Variants in CNTNAP2 observed in about 807,000 individuals in gnomAD.
CNTNAP2 encodes the protein contactin-associated protein-like 2.
In CNTNAP2, 98 loss-of-function variants were observed where a neutral mutation model predicts 155.2. The observed-to-expected ratio is 0.63, with a 90% confidence interval of 0.54 to 0.75. The LOEUF (loss-of-function observed/expected upper bound fraction) is 0.75. CNTNAP2 is among the 30% of genes least tolerant of loss of function. The pLI, the probability that CNTNAP2 is intolerant of heterozygous loss-of-function variation, is 0.00. For synonymous variants in CNTNAP2, 651 were observed against 631.2 expected (o/e 1.03, Z -0.47); for missense variants, 1,727 against 1,688.1 (o/e 1.02, Z -0.40).
At chr7:147,004,685 A>G (rs1467410657) in intron 3 of CNTNAP2, among the ~76,000 whole-genome samples, 1 of 152,052 alleles carries the variant, frequency 6.6e-6, no homozygotes, top group Non-Finnish European at 1.5e-5. Flanking sequence ...TGATAAGAGA[A>G]TATTTACACT....
chr7:148,003,844 C>G (rs1801934134), intron 15 of CNTNAP2, among the ~76,000 whole-genome samples: 1 of 152,188 alleles, frequency 6.6e-6, no homozygotes, highest in Non-Finnish European at 1.5e-5. Context: ...GCAGCAGAAG[C>G]TACTTCTTAT....
chr7:147,838,770 T>G (rs1798672296), intron 13 of CNTNAP2, among the ~76,000 whole-genome samples: 1 of 152,178 alleles, frequency 6.6e-6, no homozygotes, highest in Admixed American at 6.5e-5. Flanking sequence ...TTTCCCACAT[T>G]TTCCTGTCTT....
At chr7:147,906,660 A>G (rs533590917) in intron 14 of CNTNAP2, among the ~76,000 whole-genome samples, 5 of 152,020 alleles carry the variant, frequency 3.3e-5, no homozygotes, top group Non-Finnish European at 7.4e-5. Context: ...TGATTTCACC[A>G]TGTTGGCCAG....
intron 13 of CNTNAP2, among the ~76,000 whole-genome samples, chr7:147,676,189 G>A (rs1392339744): frequency 1.3e-5 from 2 of 151,814 alleles, no homozygotes; most frequent in African/African-American, 4.8e-5. Flanking sequence ...ATAGACATAC[G>A]ATGACTAATT....
chr7:146,877,188 A>T (rs997469583), intron 3 of CNTNAP2, among the ~76,000 whole-genome samples: 5 of 152,208 alleles, frequency 3.3e-5, no homozygotes, highest in South Asian at 4.1e-4. Flanking sequence ...GGTAAAACAT[A>T]ATTTTTTCGA....
chr7:147,769,350 A>G (rs565044006), intron 13 of CNTNAP2, among the ~76,000 whole-genome samples: 2 of 152,128 alleles, frequency 1.3e-5, no homozygotes, highest in Non-Finnish European at 2.9e-5. Context: ...ATTATCTGGC[A>G]CTTAAACACC....
intron 10 of CNTNAP2, among the ~76,000 whole-genome samples, chr7:147,410,837 T>C (rs1797090993): frequency 6.6e-6 from 1 of 151,506 alleles, no homozygotes; most frequent in Admixed American, 6.6e-5. Flanking sequence ...CTCCATAAGA[T>C]TTTAAGCTAC....
chr7:146,535,610 A>AT (rs1797856934), intron 1 of CNTNAP2, among the ~76,000 whole-genome samples: 5 of 150,398 alleles, frequency 3.3e-5, no homozygotes, highest in African/African-American at 9.8e-5. Flanking sequence ...TTGCAATGTG[A>AT]TTTTTTTCAA....
chr7:146,584,443 T>C (rs1798656973), intron 1 of CNTNAP2, among the ~76,000 whole-genome samples: 1 of 152,216 alleles, frequency 6.6e-6, no homozygotes, highest in African/African-American at 2.4e-5. Context: ...GAAATTTATT[T>C]GCTGACATAA....
In CNTNAP2 at chr7:147,562,516, A is replaced by T. The variant is rs73164325; in HGVS notation, c.1897+259A>T. On this transcript the variant is annotated intron_variant, in intron 12 of 23. Coordinates refer to ENST00000361727, the MANE Select transcript of CNTNAP2 (RefSeq NM_014141.6). ...TTTAAAATCAGCATGTAGGGGGAAA[A>T]AAACAGAAAGTAAAGTTGCAAAGTT... 0.034 allele frequency among the ~76,000 whole-genome samples: 5,140 copies of T among 152,298 alleles called. 136 individuals carry two copies. The highest frequency in any genetic ancestry group is 0.055 in the Non-Finnish European group (3,741 of 68,018).
At chr7:146,645,811 A>G (rs998490262) in intron 1 of CNTNAP2, among the ~76,000 whole-genome samples, 2 of 151,922 alleles carry the variant, frequency 1.3e-5, no homozygotes, top group African/African-American at 4.8e-5. Flanking sequence ...GTATATGTTT[A>G]TGTGGGTGTT....
At chr7:146,517,615 C>T (rs1321717535) in intron 1 of CNTNAP2, among the ~76,000 whole-genome samples, 1 of 151,862 alleles carries the variant, frequency 6.6e-6, no homozygotes, top group Non-Finnish European at 1.5e-5. Flanking sequence ...TAACTGGAAG[C>T]CATCGGGAGA....
intron 1 of CNTNAP2, among the ~76,000 whole-genome samples, chr7:146,416,779 A>G (rs1324654362): frequency 6.6e-6 from 1 of 152,034 alleles, no homozygotes; most frequent in Non-Finnish European, 1.5e-5. Context: ...AGTATCATCT[A>G]CTTTAAGTTC....
chr7:147,302,066 C>CA (rs1041286426), intron 9 of CNTNAP2, among the ~76,000 whole-genome samples: 14 of 152,282 alleles, frequency 9.2e-5, no homozygotes, highest in Admixed American at 3.9e-4. Flanking sequence ...GAAAGTCAAA[C>CA]AAGCTGTCTT....
intron 1 of CNTNAP2, among the ~76,000 whole-genome samples, chr7:146,555,494 CTGTCTATCTAT>C: frequency 1.2e-5 from 1 of 81,806 alleles, no homozygotes; most frequent in East Asian, 9.7e-4. Flanking sequence ...TATCATCTGT[CTGTCTATCTAT>C]CTATCTATCT....
chr7:148,334,066 A>G (rs1159106303), intron 21 of CNTNAP2, among the ~76,000 whole-genome samples: 2 of 152,224 alleles, frequency 1.3e-5, no homozygotes, highest in Non-Finnish European at 2.9e-5. Flanking sequence ...AATGGGACTA[A>G]TGACCCACAA....
At chr7:146,364,775 A>G (rs1795132019) in intron 1 of CNTNAP2, among the ~76,000 whole-genome samples, 1 of 152,316 alleles carries the variant, frequency 6.6e-6, no homozygotes, top group East Asian at 1.9e-4. Flanking sequence ...ACAATGAAGG[A>G]CAGTGTTCTG....
chr7:148,405,411 A>C, intron 22 of CNTNAP2, among the ~76,000 whole-genome samples: 1 of 116,126 alleles, frequency 8.6e-6, no homozygotes, highest in African/African-American at 3.9e-5. Flanking sequence ...GAACCAGATT[A>C]CCATTGTAAT....
chr7:146,534,881 G>A (rs1297251246), intron 1 of CNTNAP2, among the ~76,000 whole-genome samples: 2 of 149,374 alleles, frequency 1.3e-5, no homozygotes, highest in Non-Finnish European at 3.0e-5. Flanking sequence ...TTCTTCCATA[G>A]CTCATAAACA....
Sources: allele counts gnomAD v4.1 joint callset (sites outside exome capture counted in the v4.1 genomes callset), GRCh38; gene constraint gnomAD v4.1.1; transcripts MANE v1.5; gene names NCBI Gene and HGNC (gene_info 2026-07-23, HGNC 2026-07-21).